The following SLC22A25 variants were observed in gnomAD, a reference collection of about 807,000 sequenced individuals.
The protein encoded by SLC22A25 is MGI:2442751, MGI:2385316, MGI:3042283, MGI:3645714, MGI:3605624, MGI:2442750.
Under a neutral mutation model 45.9 loss-of-function variants are expected in SLC22A25, and 44 were observed. That is an observed-to-expected ratio of 0.96 (90% confidence interval 0.75 to 1.23). The LOEUF (loss-of-function observed/expected upper bound fraction) is 1.23, where lower values mean the gene tolerates loss of function less well. SLC22A25 is among the 50% of genes most tolerant of loss of function. SLC22A25 has a pLI of 0.00. For synonymous variants in SLC22A25, 283 were observed against 238.6 expected (o/e 1.19, Z -1.72); for missense variants, 800 against 666.4 (o/e 1.20, Z -2.21).
chr11:63,194,003 A>C (rs2088910292), intron 7 of SLC22A25, among the ~76,000 whole-genome samples: 1 of 152,190 alleles, frequency 6.6e-6, no homozygotes, highest in Non-Finnish European at 1.5e-5. Context: ...TGGCATGAGA[A>C]CTACGAGATG....
intron 7 of SLC22A25, among the ~76,000 whole-genome samples, chr11:63,185,866 C>T (rs1355381028): frequency 4.0e-5 from 6 of 149,366 alleles, no homozygotes; most frequent in East Asian, 4.0e-4. Flanking sequence ...CTACAAAGGA[C>T]GTGAACTCAT....
intron 7 of SLC22A25, among the ~76,000 whole-genome samples, chr11:63,199,905 T>C (rs1525064): frequency 0.49 from 74,315 of 151,588 alleles, 19,166 homozygotes; most frequent in Non-Finnish European, 0.57. Context: ...TGGATGTGCC[T>C]GCGTGCCAGA....
intron 8 of SLC22A25, among the ~76,000 whole-genome samples, chr11:63,183,308 G>C (rs1051758358): frequency 6.6e-6 from 1 of 152,052 alleles, no homozygotes; most frequent in African/African-American, 2.4e-5. Context: ...ACCTCCTTAT[G>C]TTCTATTCTG....
rs1205368936 is a variant in SLC22A25 at position 63,160,726 on chromosome 11, G to A, written c.*3098C>T. Among the ~76,000 whole-genome samples the A allele has an allele frequency of 6.6e-6, 1 of 152,192 alleles. No homozygotes were observed. Among genetic ancestry groups the A allele is most frequent in the Non-Finnish European group, 1.5e-5 (1 of 68,030 alleles). ...AGACACTCAATGCCAGGTCACAAAA[G>A]CAGCCAGGAGGGAGGCTGTACCCTG... On this transcript the variant is annotated 3_prime_UTR_variant, in exon 12 of 12. Transcript: ENST00000306494.
chr11:63,236,264 G>C (rs565519882), intron 3 of SLC22A25, among the ~76,000 whole-genome samples: 1 of 152,206 alleles, frequency 6.6e-6, no homozygotes. Context: ...AAGCAGGCAG[G>C]CCTCCTTGAG....
At chr11:63,208,307 C>G (rs2089463575) in intron 7 of SLC22A25, 4 of 152,402 alleles carry the variant, frequency 2.6e-5, no homozygotes, top group Admixed American at 2.6e-4. Flanking sequence ...GGGCCCAAGG[C>G]AGGGAAGCCC....
chr11:63,176,956 T>C (rs190100359), intron 9 of SLC22A25, among the ~76,000 whole-genome samples: 7 of 152,186 alleles, frequency 4.6e-5, no homozygotes, highest in African/African-American at 1.7e-4. Context: ...ACAGATTCAC[T>C]CAGTTTTTGT....
intron 7 of SLC22A25, among the ~76,000 whole-genome samples, chr11:63,198,040 G>A (rs1042214602): frequency 2.0e-5 from 3 of 152,032 alleles, no homozygotes; most frequent in African/African-American, 4.8e-5. Context: ...ATCTCACAGC[G>A]TTAGAAAGGC....
chr11:63,238,375 C>A (rs1444366868), intron 2 of SLC22A25, among the ~76,000 whole-genome samples: 2 of 135,788 alleles, frequency 1.5e-5, no homozygotes, highest in African/African-American at 3.1e-5. Context: ...ACAGTCTGGG[C>A]ATGGGGGTTT....
chr11:63,243,427 G>T lies in SLC22A25; in HGVS notation c.-996+7C>A. ...AAGAAAAGGTTTTCCCTCTGGCCAC[G>T]ATTTACCTGGACTGTTTCTTCGCCA... is the stretch of plus-strand genomic sequence containing the variant. On this transcript the variant is annotated splice_region_variant and intron_variant, in intron 1 of 11. Transcript: ENST00000306494. 1.3e-6 allele frequency: 1 copy of T among 743,008 alleles called. No homozygotes were observed. Among genetic ancestry groups the T allele is most frequent in the South Asian group, 1.4e-5 (1 of 72,306 alleles). 46.0% of individuals were successfully genotyped at this position (743,008 alleles called of 1,614,324 possible).
chr11:63,237,621 A>G (rs965979216), intron 3 of SLC22A25, among the ~76,000 whole-genome samples: 1 of 152,214 alleles, frequency 6.6e-6, no homozygotes, highest in African/African-American at 2.4e-5. Flanking sequence ...ATGGACTAAG[A>G]CAGTAACTGT....
intron 5 of SLC22A25, among the ~76,000 whole-genome samples, chr11:63,227,006 G>T (rs778653583): frequency 6.6e-6 from 1 of 152,260 alleles, no homozygotes; most frequent in South Asian, 2.1e-4. Context: ...TGTGGTGAAT[G>T]CTTCCAGACC....
At chr11:63,236,884 C>T (rs1040391339) in intron 3 of SLC22A25, among the ~76,000 whole-genome samples, 14 of 152,184 alleles carry the variant, frequency 9.2e-5, no homozygotes. Context: ...TAACTATCTA[C>T]CGGTTCCCCT....
At chr11:63,217,196 C>T in intron 7 of SLC22A25, 118 bp downstream of exon 7, 13 of 1,124,550 alleles carry the variant, frequency 1.2e-5, no homozygotes, top group Non-Finnish European at 1.6e-5. Context: ...ATATTTAGCA[C>T]AGATTAGGAG....
chr11:63,210,403 G>A (rs759522905), intron 7 of SLC22A25, among the ~76,000 whole-genome samples: 1 of 152,202 alleles, frequency 6.6e-6, no homozygotes, highest in Non-Finnish European at 1.5e-5. Flanking sequence ...GAGGAAGGGG[G>A]AAGACAAGAC....
rs2087663267 is a variant in SLC22A25, at chr11:63,165,916, A to G, written c.1285+128T>C. The stretch of plus-strand genomic sequence containing the variant: ...GGCAAAATCTGTCCTAAAGCCCCAG[A>G]TTTCTATCAGGGAATCCTGAGAACT... On this transcript the variant is annotated intron_variant, in intron 10 of 11. Transcript: ENST00000306494. 2.5e-6 allele frequency: 3 copies of G among 1,222,936 alleles called. No homozygotes were observed. The African/African-American group carries it at 4.6e-5, about 19-fold the overall frequency. The allele number at this position is 1,222,936 out of a possible 1,614,324, so 75.8% of individuals were successfully genotyped here.
rs145836958 is a variant in SLC22A25, at chr11:63,228,012, G to A, written c.506+449C>T. Among the ~76,000 whole-genome samples the A allele has an allele frequency of 1.7e-4, 26 of 152,334 alleles. No individual in the cohort carries two copies. In the East Asian group the frequency reaches 5.0e-3, roughly 29 times the overall value. On this transcript the variant is annotated intron_variant, in intron 5 of 11. Coordinates refer to ENST00000306494, the MANE Select transcript of SLC22A25 (RefSeq NM_199352.6). ...ATGGCCAGTGCTGGGGGATGGAGAT[G>A]GAGTGTTGTCAGCAATTCAAGACTG...
intron 1 of SLC22A25, among the ~76,000 whole-genome samples, chr11:63,241,162 G>A (rs890771125): frequency 3.3e-5 from 5 of 152,208 alleles, no homozygotes; most frequent in Non-Finnish European, 7.4e-5. Flanking sequence ...TTATGTAAGT[G>A]CATGATGAAA....
chr11:63,206,501 CAG>C (rs2089407996), intron 7 of SLC22A25, among the ~76,000 whole-genome samples: 1 of 152,138 alleles, frequency 6.6e-6, no homozygotes, highest in African/African-American at 2.4e-5. Context: ...AATAGAAAAA[CAG>C]AGAGCCAAAT....
Sources: allele counts gnomAD v4.1 joint callset (sites outside exome capture counted in the v4.1 genomes callset), GRCh38; gene constraint gnomAD v4.1.1; transcripts MANE v1.5; gene names NCBI Gene and HGNC (gene_info 2026-07-23, HGNC 2026-07-21).